The following COQ9 variants were observed in gnomAD, a reference collection of about 807,000 sequenced individuals.
COQ9 encodes the protein ubiquinone biosynthesis protein COQ9, mitochondrial.
Under a neutral mutation model 42.4 loss-of-function variants are expected in COQ9, and 35 were observed. The ratio of observed to expected loss-of-function variants is 0.83; its 90% CI spans 0.63 to 1.10. COQ9 has a LOEUF of 1.10. Among genes scored for constraint, COQ9 ranks in the 50% least tolerant of loss-of-function variants. COQ9 has a pLI of 0.00. For synonymous variants in COQ9, 155 were observed against 155.1 expected (o/e 1.00, Z 0.00); for missense variants, 406 against 414.6 (o/e 0.98, Z 0.18).
chr16:57,456,870 G>C, intron 4 of COQ9, 61 bp from the exon 5 acceptor site: 2 of 1,470,506 alleles, frequency 1.4e-6, no homozygotes, highest in Non-Finnish European at 1.9e-6. Flanking sequence ...TGAGTAAACC[G>C]TGGAGCACTG....
Position 57,459,706 on chromosome 16 carries a change from C to G in COQ9, c.853C>G (p.His285Asp). 2 of 1,614,138 alleles carry G rather than the reference C, an allele frequency of 1.2e-6. No homozygotes were observed. The highest frequency in any genetic ancestry group is 1.7e-6 in the Non-Finnish European group (2 of 1,179,998). ...NRVNDAMNMG[H>D]TAKQVKSTGE... is the part of the protein sequence containing the mutation. ...GGTTAATGATGCAATGAACATGGGC[C>G]ACACTGCCAAGCAGGTAGGTGGGGA... The change falls in exon 7 of 9, where the codon CAC (histidine) becomes GAC (aspartate). Residue 285 changes from histidine (H) to aspartate (D), a missense_variant. Physicochemically the swap from His to Asp is moderately conservative, Grantham distance 81. Transcript: ENST00000262507.
intron 1 of COQ9, among the ~76,000 whole-genome samples, chr16:57,448,504 G>A (rs910363716): frequency 3.9e-5 from 6 of 151,902 alleles, no homozygotes; most frequent in African/African-American, 1.5e-4. Context: ...GCTCACTGCA[G>A]CCTCTACCTC....
intron 4 of COQ9, 117 bp downstream of exon 4, chr16:57,456,763 G>C (rs2030413430): frequency 1.4e-6 from 2 of 1,383,966 alleles, no homozygotes; most frequent in Admixed American, 3.9e-5. Context: ...GCATTGGGCA[G>C]CCCTGCTGCT....
intron 2 of COQ9, 125 bp from the exon 3 acceptor site, chr16:57,452,676 A>T: frequency 1.7e-6 from 2 of 1,152,042 alleles, no homozygotes; most frequent in South Asian, 1.2e-5. Context: ...CCACATTGAT[A>T]GTGACACAAG....
intron 1 of COQ9, 55 bp from the exon 2 acceptor site, chr16:57,450,985 G>C: frequency 6.3e-7 from 1 of 1,594,008 alleles, no homozygotes; most frequent in Non-Finnish European, 8.6e-7. Flanking sequence ...TACCACTCTG[G>C]GTCTGAAAGG....
chr16:57,448,152 C>T (rs2030177081), intron 1 of COQ9, among the ~76,000 whole-genome samples: 1 of 152,262 alleles, frequency 6.6e-6, no homozygotes, highest in Non-Finnish European at 1.5e-5. Context: ...AACACTTTAG[C>T]ATACATACAT....
chr16:57,447,725 A>T (rs2030161875), intron 1 of COQ9, 147 bp downstream of exon 1: 1 of 622,534 alleles, frequency 1.6e-6, no homozygotes, highest in Non-Finnish European at 2.3e-6. Flanking sequence ...GGCTCGGGCG[A>T]GCCGCCTGGC....
intron 1 of COQ9, among the ~76,000 whole-genome samples, chr16:57,449,335 G>A (rs1255894537): frequency 6.6e-6 from 1 of 152,190 alleles, no homozygotes; most frequent in Non-Finnish European, 1.5e-5. Flanking sequence ...GTGGCCCTGA[G>A]TGATGCTTAT....
In COQ9 at chr16:57,460,115, C is replaced by A. The variant is rs75908124; in HGVS notation, c.921+11C>A. The stretch of plus-strand genomic sequence containing the variant: ...GGTGCAGCAGTGACGGTGAGTACTG[C>A]CCAGCACATCCCTGCCCCTCCTCTC... On this transcript the variant is annotated intron_variant, in intron 8 of 8. Coordinates refer to ENST00000262507, the MANE Select transcript of COQ9 (RefSeq NM_020312.4). 1.7e-3 allele frequency: 2,668 copies of A among 1,613,678 alleles called. 9 individuals are homozygous for A. Among genetic ancestry groups the A allele is most frequent in the Non-Finnish European group, 2.0e-3 (2,329 of 1,179,622 alleles).
At chr16:57,456,864 T>G in intron 4 of COQ9, 67 bp from the exon 5 acceptor site, 1 of 1,457,330 alleles carries the variant, frequency 6.9e-7, no homozygotes, top group Non-Finnish European at 9.6e-7. Context: ...TAGGGCTGAG[T>G]AAACCGTGGA....
In COQ9 at chr16:57,456,531, A is replaced by G; in HGVS notation, c.406A>G (p.Ser136Gly). ...QSLGLSSAAA[S>G]MFGKDGSELI... Reference sequence around the variant, plus strand: ...TCTGGGTCTCTCCAGTGCAGCAGCCAGCATGTTCGGGAAGGATGGCAGTGA... The same window carrying G: ...TCTGGGTCTCTCCAGTGCAGCAGCCGGCATGTTCGGGAAGGATGGCAGTGA... The change falls in exon 4 of 9, where the codon AGC becomes GGC. Residue 136 changes from serine to glycine, a missense_variant. By Grantham distance (56) the Ser-to-Gly change is moderately conservative. Transcript: ENST00000262507. 1 of 1,614,202 alleles carries G rather than the reference A, an allele frequency of 6.2e-7. No homozygotes were observed. Among genetic ancestry groups the G allele is most frequent in the Non-Finnish European group, 8.5e-7 (1 of 1,180,042 alleles).
chr16:57,460,086 C>T lies in COQ9; in HGVS notation c.903C>T (p.Leu301=). ...KSTGEALVQG[L]MGAAVTLKNL... is the part of the protein sequence containing the mutation. The stretch of plus-strand genomic sequence containing the variant: ...CAGGAGAGGCACTGGTGCAAGGACT[C>T]ATGGGTGCAGCAGTGACGGTGAGTA... The change falls in exon 8 of 9, where the codon CTC becomes CTT. Residue 301 remains leucine (L), a synonymous_variant. Coordinates refer to ENST00000262507, the MANE Select transcript of COQ9 (RefSeq NM_020312.4). 3 of 1,614,122 alleles carry T rather than the reference C, an allele frequency of 1.9e-6. No homozygotes were observed. The highest frequency in any genetic ancestry group is 2.2e-5 in the East Asian group (1 of 44,880).
intron 3 of COQ9, among the ~76,000 whole-genome samples, chr16:57,456,096 AT>A (rs1402940173): frequency 6.6e-6 from 1 of 152,072 alleles, no homozygotes; most frequent in Non-Finnish European, 1.5e-5. Context: ...GTGAGGGTGA[AT>A]TTACAAGAGA....
At chr16:57,456,775 T>C in intron 4 of COQ9, 129 bp downstream of exon 4, 1 of 1,360,648 alleles carries the variant, frequency 7.3e-7, no homozygotes, top group African/African-American at 1.4e-5. Context: ...CCTGCTGCTG[T>C]GATGGGACTG....
chr16:57,452,282 G>T (rs377699236), intron 2 of COQ9, among the ~76,000 whole-genome samples: 12 of 152,202 alleles, frequency 7.9e-5, no homozygotes, highest in African/African-American at 2.2e-4. Context: ...GGCCTCATTT[G>T]CTGGATTCCT....
chr16:57,460,138 C>G (rs1317522071), intron 8 of COQ9, 34 bp downstream of exon 8: 2 of 1,608,688 alleles, frequency 1.2e-6, no homozygotes, highest in Non-Finnish European at 8.5e-7. Flanking sequence ...TGCCCCTCCT[C>G]TCTCCCATTC....
At chr16:57,447,616 C>CG (rs2030156669) in intron 1 of COQ9, 38 bp downstream of exon 1, 2 of 1,236,668 alleles carry the variant, frequency 1.6e-6, no homozygotes, top group African/African-American at 3.1e-5. Flanking sequence ...GCGGGGAGCG[C>CG]GGAGGGGGCG....
At chr16:57,450,285 G>A (rs1384632115) in intron 1 of COQ9, among the ~76,000 whole-genome samples, 2 of 151,850 alleles carry the variant, frequency 1.3e-5, no homozygotes, top group African/African-American at 4.8e-5. Flanking sequence ...AGTGGTGGCG[G>A]GTGCCTGTGA....
intron 1 of COQ9, among the ~76,000 whole-genome samples, chr16:57,448,702 C>T (rs753860548): frequency 1.2e-4 from 19 of 152,172 alleles, no homozygotes; most frequent in South Asian, 2.1e-4. Context: ...TATGAGCCAC[C>T]GCCTAGCCCC....
Sources: gnomAD v4.1 joint callset for allele counts (sites outside exome capture counted in the v4.1 genomes callset) on GRCh38, gnomAD v4.1.1 for gene constraint, MANE v1.5 for transcripts, NCBI Gene and HGNC (gene_info 2026-07-23, HGNC 2026-07-21) for gene names.